The following CUBN variants were observed in gnomAD, a reference collection of about 807,000 sequenced individuals.
The protein encoded by CUBN is 460 kDa receptor.
CUBN carries 282 observed loss-of-function variants against 405.3 expected under a neutral mutation model. That is an observed-to-expected ratio of 0.70 (90% CI 0.63 to 0.77). The LOEUF (loss-of-function observed/expected upper bound fraction) is 0.77, where lower values mean the gene tolerates loss of function less well. Ranked by LOEUF, CUBN falls within the 30% of genes least tolerant of loss-of-function variation. CUBN has a pLI of 0.00. For synonymous variants in CUBN, 1,684 were observed against 1,617.0 expected (o/e 1.04, Z -0.99); for missense variants, 4,514 against 4,475.2 (o/e 1.01, Z -0.25).
At chr10:16,978,439 C>T (rs1833162569) in intron 31 of CUBN, among the ~76,000 whole-genome samples, 1 of 152,222 alleles carries the variant, frequency 6.6e-6, no homozygotes, top group Non-Finnish European at 1.5e-5. Flanking sequence ...TCTACGCTTT[C>T]AGTCTGCATG....
chr10:17,025,386 G>A (rs1182173133), intron 27 of CUBN, among the ~76,000 whole-genome samples: 2 of 152,206 alleles, frequency 1.3e-5, no homozygotes, highest in East Asian at 3.9e-4. Flanking sequence ...TGTGTTCATA[G>A]CCCAGCTCTA....
intron 14 of CUBN, among the ~76,000 whole-genome samples, chr10:17,099,088 AG>A (rs1416591491): frequency 6.6e-6 from 1 of 152,178 alleles, no homozygotes; most frequent in Non-Finnish European, 1.5e-5. Context: ...ATCTTTGAAA[AG>A]AACAAAGTTG....
rs779772119 is a variant in CUBN, at chr10:17,115,431, T to C, written c.720+40A>G. 1.9e-5 allele frequency: 31 copies of C among 1,612,364 alleles called. No individual in the cohort carries two copies. In the African/African-American group the frequency reaches 3.7e-4, roughly 19 times the overall value. ...TAGGAGGAGGAGGAGCTACTAACCA[T>C]GGCTCTCTGCAAGGAGGCACATTTG... On this transcript the variant is annotated intron_variant, in intron 7 of 66. Coordinates refer to ENST00000377833, the MANE Select transcript of CUBN (RefSeq NM_001081.4).
At chr10:17,091,619 A>T (rs1198381463) in intron 14 of CUBN, among the ~76,000 whole-genome samples, 3 of 152,212 alleles carry the variant, frequency 2.0e-5, no homozygotes, top group East Asian at 1.9e-4. Context: ...GAATGCTAAA[A>T]CCATTAGAGA....
rs540162968 is a variant in CUBN, at chr10:17,007,245, G to A, written c.4168+12588C>T. ...CTGAATTCAGCCGCTGGACAATGCT[G>A]TCAAGGCTGAATACCATGAACCGAT... On this transcript the variant is annotated intron_variant, in intron 28 of 66. Coordinates refer to ENST00000377833, the MANE Select transcript of CUBN (RefSeq NM_001081.4). Among the ~76,000 whole-genome samples the A allele has an allele frequency of 2.6e-4, 37 of 144,326 alleles. No homozygotes were observed. In the South Asian group the frequency reaches 7.9e-3, roughly 31 times the overall value. The allele number at this position is 144,326 out of a possible 152,430, so 94.7% of individuals were successfully genotyped here. A position where few individuals can be genotyped will look rare whatever the true frequency, so the allele number is the denominator to read the frequency against.
At chr10:16,967,909 GGGA>G (rs1564452619) in intron 31 of CUBN, among the ~76,000 whole-genome samples, 1 of 130,808 alleles carries the variant, frequency 7.6e-6, no homozygotes, top group African/African-American at 2.9e-5. Context: ...GAGAGAGAGG[GGGA>G]AAGAGGAAGA....
intron 31 of CUBN, among the ~76,000 whole-genome samples, chr10:16,955,602 T>C (rs545654107): frequency 2.0e-5 from 3 of 152,238 alleles, no homozygotes; most frequent in Admixed American, 6.5e-5. Flanking sequence ...TTGAATACTC[T>C]TATGTGTAAA....
chr10:16,839,172 T>C (rs1215679461), intron 62 of CUBN, among the ~76,000 whole-genome samples: 5 of 152,070 alleles, frequency 3.3e-5, no homozygotes, highest in Non-Finnish European at 7.4e-5. Context: ...GGGTGTTATA[T>C]GGGGGATTCG....
intron 27 of CUBN, among the ~76,000 whole-genome samples, chr10:17,026,811 C>T (rs1834678916): frequency 6.6e-6 from 1 of 152,160 alleles, no homozygotes; most frequent in African/African-American, 2.4e-5. Context: ...CAAGATGGCC[C>T]TTGGGAGGCT....
chr10:17,102,927 T>G (rs1247133540), intron 13 of CUBN, among the ~76,000 whole-genome samples, 198 bp downstream of exon 13: 2 of 152,172 alleles, frequency 1.3e-5, no homozygotes, highest in South Asian at 2.1e-4. Flanking sequence ...CCCTGTGACT[T>G]ATTTCAAACA....
intron 28 of CUBN, among the ~76,000 whole-genome samples, chr10:16,995,838 T>TTTTTATTTGAAATGCATTA (rs1243821970): frequency 6.6e-6 from 1 of 152,230 alleles, no homozygotes; most frequent in African/African-American, 2.4e-5. Flanking sequence ...ATTTGAATTA[T>TTTTTATTTGAAATGCATTA]TTTTATTTGA....
At chr10:16,829,356 A>AAC (rs1331822902) in intron 65 of CUBN, among the ~76,000 whole-genome samples, 1 of 140,172 alleles carries the variant, frequency 7.1e-6, no homozygotes, top group Non-Finnish European at 1.6e-5. Flanking sequence ...AAAAAAAAAA[A>AAC]AACAAACTTG....
At chr10:17,084,701 C>T (rs950304202) in intron 16 of CUBN, among the ~76,000 whole-genome samples, 2 of 152,184 alleles carry the variant, frequency 1.3e-5, no homozygotes, top group African/African-American at 4.8e-5. Flanking sequence ...TTCCAATCTG[C>T]CATTCTCTTC....
intron 51 of CUBN, among the ~76,000 whole-genome samples, chr10:16,903,561 G>A (rs1841461540): frequency 6.7e-6 from 1 of 149,670 alleles, no homozygotes. Flanking sequence ...CTAGATCTTT[G>A]GACTAAAGTT....
chr10:16,931,200 T>C (rs1167097529), intron 40 of CUBN, among the ~76,000 whole-genome samples: 1 of 151,358 alleles, frequency 6.6e-6, no homozygotes, highest in Admixed American at 6.6e-5. Flanking sequence ...GGAGGCAGAG[T>C]TTGCAGTGAG....
chr10:16,900,570 G>T, intron 53 of CUBN, 55 bp downstream of exon 53: 1 of 1,308,308 alleles, frequency 7.6e-7, no homozygotes, highest in Non-Finnish European at 1.1e-6. Flanking sequence ...CATATTATGA[G>T]TTCATACTAT....
intron 43 of CUBN, among the ~76,000 whole-genome samples, chr10:16,922,880 C>T (rs1395889891): frequency 2.7e-5 from 4 of 147,360 alleles, no homozygotes; most frequent in Non-Finnish European, 5.9e-5. Context: ...GACAGGGTCT[C>T]GCTTTGTCAC....
chr10:16,890,637 G>A, intron 54 of CUBN, 110 bp from the exon 55 acceptor site: 1 of 1,076,120 alleles, frequency 9.3e-7, no homozygotes, highest in Non-Finnish European at 1.4e-6. Flanking sequence ...CTAAGCATAA[G>A]AGTAAACAAA....
At position 17,071,506 on chromosome 10, in the gene CUBN, G is replaced by A. The variant is rs745774000; in HGVS notation, c.2545C>T (p.Pro849Ser). The A allele has an allele frequency of 5.6e-6, 9 of 1,613,842 alleles. No homozygotes were observed. The highest frequency in any genetic ancestry group is 1.6e-4 in the Middle Eastern group (1 of 6,084). ...ERTCRWTIHQ[P>S]QSQVILLNFT... ...TTGAGGAGAATGACTTGGCTTTGGGGCTGGTGGATGGTCCACCTACAGGTT... is the reference window on the plus strand; with the variant it reads ...TTGAGGAGAATGACTTGGCTTTGGGACTGGTGGATGGTCCACCTACAGGTT... Residue 849 changes from proline to serine, a missense_variant, in exon 19 of 67, where the codon CCC (proline) becomes TCC (serine). Pro to Ser is a moderately conservative substitution (Grantham distance 74, BLOSUM62 -1). Transcript: ENST00000377833.
Sources: gnomAD v4.1 joint callset for allele counts (sites outside exome capture counted in the v4.1 genomes callset) on GRCh38, gnomAD v4.1.1 for gene constraint, MANE v1.5 for transcripts, NCBI Gene and HGNC (gene_info 2026-07-23, HGNC 2026-07-21) for gene names.